Variants in ANKAR observed in about 807,000 individuals in gnomAD.
ANKAR encodes the protein ankyrin and armadillo repeat-containing protein.
ANKAR carries 136 observed loss-of-function variants against 146.2 expected under a neutral mutation model. The ratio of observed to expected loss-of-function variants is 0.93; its 90% confidence interval spans 0.81 to 1.07. The LOEUF is 1.07. ANKAR is among the 50% of genes least tolerant of loss of function. The probability of loss-of-function intolerance (pLI) is 0.00; values close to 1 mark genes in which losing one functional copy is unlikely to be tolerated. For synonymous variants in ANKAR, 500 were observed against 575.8 expected (o/e 0.87, Z 1.88); for missense variants, 1,567 against 1,679.9 (o/e 0.93, Z 1.18).
intron 10 of ANKAR, among the ~76,000 whole-genome samples, chr2:189,716,375 C>T (rs2040463341): frequency 1.3e-5 from 2 of 152,188 alleles, no homozygotes; most frequent in Non-Finnish European, 2.9e-5. Context: ...AGGAATCCAA[C>T]TTACAGGGGA....
intron 18 of ANKAR, among the ~76,000 whole-genome samples, chr2:189,759,910 C>T (rs1043252894): frequency 6.6e-6 from 1 of 152,100 alleles, no homozygotes; most frequent in Non-Finnish European, 1.5e-5. Context: ...CTGCGGCCTT[C>T]TGCAGTGTTT....
chr2:189,675,464 C>G (rs555607548), intron 1 of ANKAR, among the ~76,000 whole-genome samples: 2 of 152,026 alleles, frequency 1.3e-5, no homozygotes, highest in South Asian at 4.1e-4. Context: ...CCTCCTGTCT[C>G]AAGCCCCGCG....
chr2:189,741,891 G>T (rs761471175), intron 20 of ANKAR, among the ~76,000 whole-genome samples: 7 of 152,156 alleles, frequency 4.6e-5, no homozygotes, highest in Non-Finnish European at 8.8e-5. Flanking sequence ...TAAGTACGTT[G>T]ATGACAAAGA....
intron 18 of ANKAR, chr2:189,754,913 G>A (rs1472034288): frequency 2.3e-6 from 1 of 429,684 alleles, no homozygotes; most frequent in Non-Finnish European, 4.0e-6. Flanking sequence ...TACATTATTT[G>A]GCAAAATACA....
At chr2:189,754,498 T>G in intron 18 of ANKAR, 1 of 686,062 alleles carries the variant, frequency 1.5e-6, no homozygotes, top group Non-Finnish European at 2.4e-6. Context: ...ATAGCTGATA[T>G]TCAGGTAAGC....
chr2:189,721,990 T>G (rs182010047), intron 12 of ANKAR, among the ~76,000 whole-genome samples: 3 of 152,190 alleles, frequency 2.0e-5, no homozygotes, highest in African/African-American at 4.8e-5. Context: ...AACAAATTCC[T>G]TATGCTCTCT....
At chr2:189,678,336 A>G (rs942531361) in intron 2 of ANKAR, among the ~76,000 whole-genome samples, 1 of 152,044 alleles carries the variant, frequency 6.6e-6, no homozygotes, top group Non-Finnish European at 1.5e-5. Flanking sequence ...GATTCCGGAT[A>G]TTAGTCCTTT....
chr2:189,725,856 T>A (rs1255262501), intron 12 of ANKAR, among the ~76,000 whole-genome samples: 2 of 152,036 alleles, frequency 1.3e-5, no homozygotes. Flanking sequence ...TGCAGTGAGC[T>A]GAGTTCATGT....
chr2:189,741,965 G>A (rs1314882575), intron 20 of ANKAR, among the ~76,000 whole-genome samples: 1 of 152,158 alleles, frequency 6.6e-6, no homozygotes, highest in Non-Finnish European at 1.5e-5. Context: ...TTATTTCTAT[G>A]ATTTGAAATG....
chr2:189,762,517 T>C, downstream of ANKAR: 1 of 854,958 alleles, frequency 1.2e-6, no homozygotes, highest in Non-Finnish European at 1.4e-6. Context: ...CAAGGAGGAT[T>C]GTACGAAGCA....
intron 21 of ANKAR, among the ~76,000 whole-genome samples, chr2:189,743,678 C>A (rs1467682343): frequency 6.6e-6 from 1 of 152,150 alleles, no homozygotes; most frequent in Non-Finnish European, 1.5e-5. Flanking sequence ...CAGACAAGAA[C>A]ACATCTAGAT....
rs114643305 is a variant in ANKAR, at chr2:189,740,109, G to T, written c.3701-1233G>T. Among the ~76,000 whole-genome samples, 306 of 152,320 alleles carry T rather than the reference G, an allele frequency of 2.0e-3. 4 individuals are homozygous for T. In the Middle Eastern group the frequency reaches 0.024, roughly 12 times the overall value. ...TTCCAGAAGATGCTCCAAAGGCACA[G>T]AAGTTTTTAGGAAACTGATTTCTGT... On this transcript the variant is annotated intron_variant, in intron 19 of 22. Transcript: ENST00000684021.
rs1189023155 is a variant in ANKAR at position 189,746,468 on chromosome 2, C to G, written c.4146C>G (p.Leu1382=). The G allele has an allele frequency of 6.2e-7, 1 of 1,613,820 alleles. No homozygotes were observed. The highest frequency in any genetic ancestry group is 8.5e-7 in the Non-Finnish European group (1 of 1,179,882). ...LLPPVTNFMG[L]FKATKKTKDS... ...CTCCTGTAACTAACTTCATGGGACT[C>G]TTCAAAGCAACAAAAAAGACCAAGG... The change falls in exon 23 of 23, where the codon CTC becomes CTG. Residue 1382 remains leucine, a synonymous_variant. Transcript: ENST00000684021.
chr2:189,692,191 C>A, intron 3 of ANKAR, 64 bp from the exon 4 acceptor site: 1 of 1,353,992 alleles, frequency 7.4e-7, no homozygotes, highest in Non-Finnish European at 1.0e-6. Context: ...GAAGCTAGAT[C>A]TCTTAAAATA....
chr2:189,752,869 A>G, intron 18 of ANKAR: 1 of 1,613,900 alleles, frequency 6.2e-7, no homozygotes, highest in Non-Finnish European at 8.5e-7. Context: ...TAATGCCATT[A>G]TCAGTGCATA....
rs548348503 is a variant in ANKAR at position 189,680,109 on chromosome 2, T to C, written c.601+3018T>C. 1.9e-3 allele frequency among the ~76,000 whole-genome samples: 289 copies of C among 152,260 alleles called. 6 individuals are homozygous for C. Among genetic ancestry groups the C allele is most frequent in the Non-Finnish European group, 2.5e-3 (168 of 67,986 alleles). On this transcript the variant is annotated intron_variant, in intron 2 of 22. Transcript: ENST00000684021. ...TTTTGTTGTTGGCAATTTTTTATTG[T>C]TTCAAGCTCTCTACTTGTTATTGGT... is the stretch of plus-strand genomic sequence containing the variant.
intron 7 of ANKAR, among the ~76,000 whole-genome samples, chr2:189,699,535 CATTT>C (rs1370121342): frequency 1.3e-5 from 2 of 152,190 alleles, no homozygotes; most frequent in African/African-American, 2.4e-5. Flanking sequence ...ACCTATCATT[CATTT>C]ACTCATTTCA....
intron 7 of ANKAR, among the ~76,000 whole-genome samples, chr2:189,701,193 T>G (rs1428849890): frequency 6.6e-6 from 1 of 152,140 alleles, no homozygotes; most frequent in Non-Finnish European, 1.5e-5. Flanking sequence ...CCTTTCTCTC[T>G]TTCTTCTCTT....
rs748440265 is a variant in ANKAR at position 189,711,087 on chromosome 2, G to T, written c.2158G>T (p.Ala720Ser). The T allele has an allele frequency of 6.2e-7, 1 of 1,614,064 alleles. No homozygotes were observed. The highest frequency in any genetic ancestry group is 8.5e-7 in the Non-Finnish European group (1 of 1,179,988). ...TGAAAGCTATAAACGAAGGATGATG[G>T]CCGTCATGTCCTTGGAAGTAATTTG... ...QCESYKRRMM[A>S]VMSLEVICLA... The change falls in exon 10 of 23, where the codon GCC becomes TCC. Residue 720 changes from alanine (A) to serine (S), a missense_variant. Physicochemically the swap from Ala to Ser is moderately conservative, Grantham distance 99 (BLOSUM62 1). Coordinates refer to ENST00000684021, the MANE Select transcript of ANKAR (RefSeq NM_001378068.1).
Sources: gnomAD v4.1 joint callset for allele counts (sites outside exome capture counted in the v4.1 genomes callset) on GRCh38, gnomAD v4.1.1 for gene constraint, MANE v1.5 for transcripts, NCBI Gene and HGNC (gene_info 2026-07-23, HGNC 2026-07-21) for gene names.